UTP6: variants seen among roughly 807,000 people sequenced by gnomAD.
UTP6 encodes U3 small nucleolar RNA-associated protein 6 homolog.
UTP6 carries 60 observed loss-of-function variants against 96.5 expected under a neutral mutation model. The ratio of observed to expected loss-of-function variants is 0.62; its 90% confidence interval spans 0.51 to 0.77. The LOEUF (loss-of-function observed/expected upper bound fraction) is 0.77. Among genes scored for constraint, UTP6 ranks in the 30% least tolerant of loss-of-function variants. The pLI, the probability that UTP6 is intolerant of heterozygous loss-of-function variation, is 0.00. For synonymous variants in UTP6, 215 were observed against 240.1 expected (o/e 0.90, Z 0.96); for missense variants, 637 against 706.5 (o/e 0.90, Z 1.12).
chr17:31,901,556 C>T lies in UTP6; in HGVS notation c.72G>A (p.Leu24=). The change falls in exon 1 of 19, where the codon CTG becomes CTA. Residue 24 remains leucine (L), a synonymous_variant. Transcript: ENST00000261708. ...CTCACTTAATCTCCGCATGACTGAACAGTCCAATGCGCTCCAGCTGTTCCA... is the reference window on the plus strand; with the variant it reads ...CTCACTTAATCTCCGCATGACTGAATAGTCCAATGCGCTCCAGCTGTTCCA... ...PELEQLERIG[L]FSHAEIKAII... 6.2e-7 allele frequency: 1 copy of T among 1,614,076 alleles called. No individual in the cohort carries two copies. Among genetic ancestry groups the T allele is most frequent in the Non-Finnish European group, 8.5e-7 (1 of 1,180,030 alleles).
rs1180409750 is a variant in UTP6, at chr17:31,871,480, C to T, written c.1496+1898G>A. Among the ~76,000 whole-genome samples the T allele has an allele frequency of 2.6e-5, 4 of 151,914 alleles. No individual in the cohort carries two copies. The East Asian group carries it at 7.7e-4, about 29-fold the overall frequency. On this transcript the variant is annotated intron_variant, in intron 16 of 18. Transcript: ENST00000261708. ...AAAGAATTTTTGGCTGGGCACAGTGCCTCATACCTACAATCCCAGCCCTTT... is the reference window on the plus strand; with the variant it reads ...AAAGAATTTTTGGCTGGGCACAGTGTCTCATACCTACAATCCCAGCCCTTT...
intron 15 of UTP6, 59 bp downstream of exon 15, chr17:31,873,614 C>A: frequency 1.2e-6 from 2 of 1,611,952 alleles, no homozygotes; most frequent in Middle Eastern, 1.7e-4. Context: ...TAGAGCTGAC[C>A]AACCAGGGAA....
intron 2 of UTP6, among the ~76,000 whole-genome samples, 193 bp downstream of exon 2, chr17:31,899,453 G>T (rs1904839240): frequency 6.6e-6 from 1 of 152,078 alleles, no homozygotes; most frequent in South Asian, 2.1e-4. Flanking sequence ...AGGCATGGTG[G>T]CATGCATCTA....
intron 16 of UTP6, among the ~76,000 whole-genome samples, chr17:31,872,059 G>C (rs553888391): frequency 3.3e-5 from 5 of 151,826 alleles, no homozygotes; most frequent in Non-Finnish European, 5.9e-5. Flanking sequence ...GCCGGGCGTC[G>C]TGGCACATGC....
chr17:31,892,655 A>G, intron 5 of UTP6, 92 bp downstream of exon 5: 1 of 1,519,906 alleles, frequency 6.6e-7, no homozygotes, highest in Non-Finnish European at 9.1e-7. Flanking sequence ...TGTTAACCCT[A>G]CACTTCAGGA....
intron 18 of UTP6, among the ~76,000 whole-genome samples, chr17:31,863,924 C>T (rs1200156448): frequency 6.6e-6 from 1 of 152,106 alleles, no homozygotes; most frequent in Non-Finnish European, 1.5e-5. Context: ...TAGTCTTGAA[C>T]TCCTGGGCTC....
intron 18 of UTP6, 135 bp from the exon 19 acceptor site, chr17:31,863,651 A>G (rs1909653613): frequency 1.3e-6 from 1 of 777,170 alleles, no homozygotes; most frequent in South Asian, 2.0e-5. Context: ...TTGTTTAACA[A>G]TACCTCTCTT....
chr17:31,863,852 C>T (rs1021838333), intron 18 of UTP6, among the ~76,000 whole-genome samples: 15 of 152,002 alleles, frequency 9.9e-5, no homozygotes, highest in African/African-American at 3.6e-4. Flanking sequence ...ACAGGCACAC[C>T]ACCATATTAG....
intron 9 of UTP6, 68 bp downstream of exon 9, chr17:31,885,912 C>G (rs35884435): frequency 0.07 from 99,408 of 1,427,484 alleles, 4,219 homozygotes; most frequent in Non-Finnish European, 0.083. Flanking sequence ...TCAAAACTAG[C>G]TAAAGATCTT....
Position 31,865,292 on chromosome 17 carries a change from C to T in UTP6, c.1636+74G>A, listed in dbSNP as rs575112994. 8.5e-5 allele frequency: 127 copies of T among 1,496,472 alleles called. No individual in the cohort carries two copies. In the African/African-American group the frequency reaches 1.7e-3, roughly 20 times the overall value. 92.7% of individuals were successfully genotyped at this position (1,496,472 alleles called of 1,614,324 possible). ...CCTCCCAAAGTGCTGGGATTACAGG[C>T]ATGAGCCACTGTACTCAGCCAAGAA... On this transcript the variant is annotated intron_variant, in intron 18 of 18. Transcript: ENST00000261708.
At position 31,861,233 on chromosome 17, in the gene UTP6, C is replaced by CAA. The variant is rs145368222; in HGVS notation, c.*2124_*2125dup. 2.2e-4 allele frequency: 31 copies of CAA among 139,536 alleles called. No homozygotes were observed. Among genetic ancestry groups the CAA allele is most frequent in the East Asian group, 6.2e-4 (3 of 4,808 alleles). The allele number at this position is 139,536 out of a possible 1,614,324, so 8.6% of individuals were successfully genotyped here. On this transcript the variant is annotated 3_prime_UTR_variant, in exon 19 of 19. Coordinates refer to ENST00000261708, the MANE Select transcript of UTP6 (RefSeq NM_018428.3). The stretch of plus-strand genomic sequence containing the variant: ...TGGACCACAGAGCAAGACTCTGTCT[C>CAA]AAAAAAAAAAAATCACCACAAACAA...
intron 13 of UTP6, among the ~76,000 whole-genome samples, chr17:31,876,924 A>G (rs926528098): frequency 2.0e-5 from 3 of 152,314 alleles, no homozygotes; most frequent in Non-Finnish European, 4.4e-5. Flanking sequence ...AGTTGGGAGA[A>G]TCACTTAAAC....
intron 6 of UTP6, among the ~76,000 whole-genome samples, chr17:31,890,569 G>T (rs1311522312): frequency 3.3e-5 from 5 of 150,474 alleles, no homozygotes; most frequent in African/African-American, 4.9e-5. Flanking sequence ...AGTGAGCTGA[G>T]ATCACACGAC....
In UTP6 at chr17:31,861,294, C is replaced by T. The variant is rs1026297215; in HGVS notation, c.*2065G>A. On this transcript the variant is annotated 3_prime_UTR_variant, in exon 19 of 19. Coordinates refer to ENST00000261708, the MANE Select transcript of UTP6 (RefSeq NM_018428.3). ...AAAATTATTTGCAACAAATGAGAAACAAGATATTAATATTCTGAATATGTT... is the reference window on the plus strand; with the variant it reads ...AAAATTATTTGCAACAAATGAGAAATAAGATATTAATATTCTGAATATGTT... 6.6e-6 allele frequency: 1 copy of T among 151,590 alleles called. No individual in the cohort carries two copies. Among genetic ancestry groups the T allele is most frequent in the African/African-American group, 2.4e-5 (1 of 41,254 alleles). The allele number at this position is 151,590 out of a possible 1,614,324, so 9.4% of individuals were successfully genotyped here.
At chr17:31,878,960 CCAAT>C (rs1910661219) in intron 11 of UTP6, among the ~76,000 whole-genome samples, 179 bp from the exon 12 acceptor site, 1 of 152,178 alleles carries the variant, frequency 6.6e-6, no homozygotes, top group Non-Finnish European at 1.5e-5. Flanking sequence ...CTGACTACAG[CCAAT>C]CAAACACCTC....
chr17:31,899,619 G>GA lies in UTP6; in HGVS notation c.177+26dup, dbSNP rs772967940. 3.3e-6 allele frequency: 5 copies of GA among 1,538,054 alleles called. No homozygotes were observed. In the Admixed American group the frequency reaches 1.1e-4, roughly 33 times the overall value. ...CACCAAAAAACAAAAAAGAAAAAAA[G>GA]AAAGAAATTATTAATTACACACTTA... On this transcript the variant is annotated intron_variant, in intron 2 of 18. Coordinates refer to ENST00000261708, the MANE Select transcript of UTP6 (RefSeq NM_018428.3).
At chr17:31,866,577 C>G (rs527868356) in intron 17 of UTP6, 1 of 150,498 alleles carries the variant, frequency 6.6e-6, no homozygotes, top group Non-Finnish European at 1.5e-5. Flanking sequence ...ACTAAAAATA[C>G]AAAAATTAGC....
rs33998501 is a variant in UTP6 at position 31,891,349 on chromosome 17, A to G, written c.424+911T>C. On this transcript the variant is annotated intron_variant, in intron 6 of 18. Transcript: ENST00000261708. ...CTCATCTCCTCATACCTGAACAGTC[A>G]CCTTAGGAACCAGAGGCTACCTCCA... Among the ~76,000 whole-genome samples, 401 of 152,290 alleles carry G rather than the reference A, an allele frequency of 2.6e-3. 2 individuals carry two copies. Among genetic ancestry groups the G allele is most frequent in the African/African-American group, 8.8e-3 (366 of 41,574 alleles).
intron 18 of UTP6, among the ~76,000 whole-genome samples, chr17:31,864,175 A>G (rs936746846): frequency 6.6e-6 from 1 of 152,174 alleles, no homozygotes; most frequent in African/African-American, 2.4e-5. Context: ...ACCTGAGGTC[A>G]AGAGTTCAAG....
Sources: allele counts gnomAD v4.1 joint callset (sites outside exome capture counted in the v4.1 genomes callset), GRCh38; gene constraint gnomAD v4.1.1; transcripts MANE v1.5; gene names NCBI Gene and HGNC (gene_info 2026-07-23, HGNC 2026-07-21).